ZNG1B: variants seen among roughly 807,000 people sequenced by gnomAD.
The protein encoded by ZNG1B is zinc-regulated GTPase metalloprotein activator 1B.
the ZNG1B span, among the ~76,000 whole-genome samples, chr2:113,467,561 C>G: frequency 9.8e-6 from 1 of 102,280 alleles, no homozygotes; most frequent in South Asian, 3.6e-4. Context: ...TTAAGGAGAT[C>G]AGTCATTGGG....
At chr2:113,460,568 GTTT>G in the ZNG1B span, 1 of 1,406,698 alleles carries the variant, frequency 7.1e-7, no homozygotes, top group Non-Finnish European at 9.7e-7. Context: ...ACATGTTGAA[GTTT>G]TTATTAGATG....
chr2:113,460,734 A>C, the ZNG1B span: 403 of 1,591,996 alleles, frequency 2.5e-4, 6 homozygotes, highest in South Asian at 4.3e-3. Context: ...TCATATTTAA[A>C]GTATATATTG....
chr2:113,437,951 C>T, the ZNG1B span: 3 of 1,612,016 alleles, frequency 1.9e-6, no homozygotes, highest in East Asian at 2.2e-5. Flanking sequence ...ATGGAGACGA[C>T]GCAAAGCGAG....
At chr2:113,442,016 G>C in the ZNG1B span, among the ~76,000 whole-genome samples, 1 of 152,186 alleles carries the variant, frequency 6.6e-6, no homozygotes, top group Non-Finnish European at 1.5e-5. Flanking sequence ...TGGGATTACA[G>C]GCATGAGGCA....
the ZNG1B span, chr2:113,444,116 G>A: frequency 2.3e-6 from 1 of 435,928 alleles, no homozygotes; most frequent in South Asian, 2.7e-5. Flanking sequence ...TTAATCTCTA[G>A]TGCATGAAAG....
chr2:113,495,357 A>G, the ZNG1B span: 2 of 1,395,850 alleles, frequency 1.4e-6, no homozygotes, highest in Non-Finnish European at 1.9e-6. Flanking sequence ...TTTTAAAACT[A>G]AATAAGCTTG....
the ZNG1B span, among the ~76,000 whole-genome samples, chr2:113,472,683 C>T: frequency 4.6e-5 from 7 of 150,962 alleles, no homozygotes; most frequent in Admixed American, 2.0e-4. Context: ...GGAAGGGATC[C>T]GGTTTCAGCT....
chr2:113,455,390 CT>C, the ZNG1B span, among the ~76,000 whole-genome samples: 1 of 151,650 alleles, frequency 6.6e-6, no homozygotes, highest in African/African-American at 2.4e-5. Flanking sequence ...GCTTCTTGGT[CT>C]TTTGGCTAAG....
chr2:113,441,585 A>C, the ZNG1B span: 2 of 569,018 alleles, frequency 3.5e-6, no homozygotes, highest in Non-Finnish European at 6.4e-6. Context: ...ATTTCTGTTA[A>C]GATTTATATG....
chr2:113,477,329 T>C, the ZNG1B span, among the ~76,000 whole-genome samples: 1 of 152,182 alleles, frequency 6.6e-6, no homozygotes, highest in South Asian at 2.1e-4. Context: ...GGGAACTCCC[T>C]GACCCCCTGC....
the ZNG1B span, among the ~76,000 whole-genome samples, chr2:113,478,495 G>T: frequency 4.0e-5 from 6 of 151,190 alleles, no homozygotes; most frequent in Non-Finnish European, 7.4e-5. Flanking sequence ...TGCCTAGGCT[G>T]GTCTCAAACT....
At chr2:113,477,949 G>A in the ZNG1B span, among the ~76,000 whole-genome samples, 75 of 152,304 alleles carry the variant, frequency 4.9e-4, no homozygotes, top group African/African-American at 1.7e-3. Context: ...ATTTCACGTA[G>A]CATAAAGTCA....
the ZNG1B span, among the ~76,000 whole-genome samples, chr2:113,442,848 C>G: frequency 2.0e-5 from 3 of 151,942 alleles, no homozygotes; most frequent in Non-Finnish European, 4.4e-5. Context: ...TGGTATATTT[C>G]TTTATTAGAG....
At chr2:113,440,074 C>T in the ZNG1B span, among the ~76,000 whole-genome samples, 2 of 150,404 alleles carry the variant, frequency 1.3e-5, no homozygotes, top group Admixed American at 6.6e-5. Context: ...TTAGTAGAGA[C>T]GGGGTTTCAC....
chr2:113,490,418 C>G, the ZNG1B span, among the ~76,000 whole-genome samples: 1 of 152,008 alleles, frequency 6.6e-6, no homozygotes, highest in Non-Finnish European at 1.5e-5. Flanking sequence ...AGAGCACAAT[C>G]TACGGTCACA....
the ZNG1B span, chr2:113,453,163 T>C: frequency 6.3e-7 from 1 of 1,592,998 alleles, no homozygotes; most frequent in African/African-American, 1.4e-5. Context: ...ATGTTTTGGG[T>C]TGATGCTGAA....
chr2:113,496,181 T>C, the ZNG1B span: 3 of 133,588 alleles, frequency 2.2e-5, no homozygotes, highest in Admixed American at 8.2e-5. Context: ...GATGTTGATG[T>C]TGACGACCTG....
At chr2:113,469,527 C>T in the ZNG1B span, 2 of 147,466 alleles carry the variant, frequency 1.4e-5, no homozygotes, top group African/African-American at 2.5e-5. Flanking sequence ...TTAGTGTAAA[C>T]TGATATTCAA....
the ZNG1B span, among the ~76,000 whole-genome samples, chr2:113,460,457 TA>T: frequency 6.6e-6 from 1 of 152,042 alleles, no homozygotes; most frequent in African/African-American, 2.4e-5. Context: ...CCTCCCCCTA[TA>T]AAACCCCACA....
Sources: gnomAD v4.1 joint callset for allele counts (sites outside exome capture counted in the v4.1 genomes callset) on GRCh38, gnomAD v4.1.1 for gene constraint, MANE v1.5 for transcripts, NCBI Gene and HGNC (gene_info 2026-07-23, HGNC 2026-07-21) for gene names.